Variants in MROH1 observed in about 807,000 individuals in gnomAD.
MROH1 encodes maestro heat like repeat family member 1, also known as maestro heat-like repeat-containing protein family member 1.
A neutral mutation model predicts 116.5 loss-of-function variants in MROH1; 117 were observed. The observed-to-expected ratio is 1.00, with a 90% CI of 0.86 to 1.17. The LOEUF (loss-of-function observed/expected upper bound fraction) is 1.17. Among genes scored for constraint, MROH1 ranks in the 50% most tolerant of loss-of-function variants. The probability of loss-of-function intolerance (pLI) is 0.00; values close to 1 mark genes in which losing one functional copy is unlikely to be tolerated. For synonymous variants in MROH1, 921 were observed against 583.9 expected (o/e 1.58, Z -8.32); for missense variants, 1,873 against 1,338.5 (o/e 1.40, Z -6.23).
intron 1 of MROH1, chr8:144,148,854 G>A (rs892402243): frequency 1.3e-5 from 2 of 152,764 alleles, no homozygotes; most frequent in Non-Finnish European, 2.9e-5. Flanking sequence ...TTGGGGAAGG[G>A]ACAGACTCAT....
intron 4 of MROH1, among the ~76,000 whole-genome samples, chr8:144,171,191 C>G (rs902909839): frequency 2.6e-5 from 4 of 152,200 alleles, no homozygotes; most frequent in African/African-American, 9.6e-5. Context: ...GTCGCAAGCC[C>G]CAGGTGTGGC....
chr8:144,213,176 T>C, intron 12 of MROH1: 1 of 734,540 alleles, frequency 1.4e-6, no homozygotes, highest in Non-Finnish European at 2.5e-6. Flanking sequence ...TTGGTGTTGG[T>C]TCTGCGGGCG....
chr8:144,255,364 G>A (rs1368263366), intron 34 of MROH1, 145 bp from the exon 35 acceptor site: 10 of 663,544 alleles, frequency 1.5e-5, no homozygotes, highest in African/African-American at 7.1e-5. Context: ...GCAGTGGTGC[G>A]CCTCGCCCTT....
At chr8:144,221,414 G>T (rs7341598) in intron 13 of MROH1, among the ~76,000 whole-genome samples, 1 of 152,110 alleles carries the variant, frequency 6.6e-6, no homozygotes, top group Non-Finnish European at 1.5e-5. Flanking sequence ...GGATCTTTGC[G>T]AAAGTTAGGA....
At chr8:144,167,446 GGTT>G (rs1419225506) in intron 3 of MROH1, among the ~76,000 whole-genome samples, 57 of 127,524 alleles carry the variant, frequency 4.5e-4, no homozygotes, top group Non-Finnish European at 7.8e-4. Context: ...TGGAGTGGCC[GGTT>G]GTTGTGGTGG....
rs921145461 is a variant in MROH1, at chr8:144,191,913, G to C, written c.855+58G>C. 25 of 1,599,412 alleles carry C rather than the reference G, an allele frequency of 1.6e-5. No homozygotes were observed. The East Asian group carries it at 4.9e-4, about 31-fold the overall frequency. On this transcript the variant is annotated intron_variant, in intron 9 of 43. Coordinates refer to ENST00000326134, the MANE Select transcript of MROH1 (RefSeq NM_032450.3). ...GAGGACCCCTCCAATCAGACTCCCC[G>C]GGGGTGGCCGTGAGTCCTCGGCTAG...
Position 144,173,611 on chromosome 8 carries a change from A to G in MROH1, c.168+5171A>G, listed in dbSNP as rs1823068885. 3.3e-5 allele frequency among the ~76,000 whole-genome samples: 5 copies of G among 151,764 alleles called. No individual in the cohort carries two copies. In the South Asian group the frequency reaches 1.0e-3, roughly 32 times the overall value. On this transcript the variant is annotated intron_variant, in intron 4 of 43. Coordinates refer to ENST00000326134, the MANE Select transcript of MROH1 (RefSeq NM_032450.3). ...TGTCTCATTTTTTTGTATTTTTAGT[A>G]CAGGTGGGGTTTCACCATGTTGGTC...
At position 144,249,047 on chromosome 8, in the gene MROH1, GC is replaced by G. The variant is rs1842386842; in HGVS notation, c.3273+19del. The G allele has an allele frequency of 1.4e-6, 1 of 695,602 alleles. No individual in the cohort carries two copies. Among genetic ancestry groups the G allele is most frequent in the Non-Finnish European group, 2.7e-6 (1 of 372,806 alleles). 43.1% of individuals were successfully genotyped at this position (695,602 alleles called of 1,614,324 possible). On this transcript the variant is annotated intron_variant, in intron 32 of 43. Coordinates refer to ENST00000326134, the MANE Select transcript of MROH1 (RefSeq NM_032450.3). ...AGGAGAAGGTGGGAGAGGGCGGGGC[GC>G]GGGGGGTGCTCCAGGAGAAGGTGGG...
At chr8:144,245,311 C>T in intron 29 of MROH1, 51 bp downstream of exon 29, 1 of 767,560 alleles carries the variant, frequency 1.3e-6, no homozygotes, top group Non-Finnish European at 2.4e-6. Flanking sequence ...TTACTCATGA[C>T]CCAGAGTGTG....
At chr8:144,170,812 C>G (rs1229619887) in intron 4 of MROH1, among the ~76,000 whole-genome samples, 1 of 152,214 alleles carries the variant, frequency 6.6e-6, no homozygotes, top group Non-Finnish European at 1.5e-5. Context: ...TTAGACACAT[C>G]CAGTCTTGTA....
chr8:144,202,505 G>C (rs1282827497), intron 12 of MROH1, among the ~76,000 whole-genome samples: 1 of 141,086 alleles, frequency 7.1e-6, no homozygotes, highest in Non-Finnish European at 1.5e-5. Flanking sequence ...AGGGAAGGGA[G>C]AACGGGCTCT....
At chr8:144,159,394 A>C (rs1458565204) in intron 1 of MROH1, among the ~76,000 whole-genome samples, 1 of 152,192 alleles carries the variant, frequency 6.6e-6, no homozygotes, top group East Asian at 1.9e-4. Context: ...GTTGAAATCT[A>C]TACTGCAATT....
chr8:144,160,547 CAG>C (rs1169248245), intron 1 of MROH1, among the ~76,000 whole-genome samples: 1 of 152,012 alleles, frequency 6.6e-6, no homozygotes, highest in Non-Finnish European at 1.5e-5. Context: ...TTTTTGGAGT[CAG>C]AAGTCTACCA....
At chr8:144,248,051 G>A (rs941659234) in intron 31 of MROH1, among the ~76,000 whole-genome samples, 4 of 152,250 alleles carry the variant, frequency 2.6e-5, no homozygotes, top group African/African-American at 4.8e-5. Context: ...GCCCTGTGTG[G>A]TGTTGTCCCC....
intron 4 of MROH1, among the ~76,000 whole-genome samples, chr8:144,173,316 C>CA (rs2131140137): frequency 6.6e-6 from 1 of 151,824 alleles, no homozygotes; most frequent in African/African-American, 2.4e-5. Context: ...CCATGTTGGC[C>CA]AGGTTGGTCA....
chr8:144,230,036 AAAT>A (rs35362416), intron 14 of MROH1, among the ~76,000 whole-genome samples: 19 of 150,178 alleles, frequency 1.3e-4, no homozygotes, highest in East Asian at 4.0e-4. Context: ...TCTGTCTCAA[AAAT>A]AATAATAATA....
chr8:144,152,962 C>A (rs1817199812), intron 1 of MROH1, among the ~76,000 whole-genome samples: 3 of 152,136 alleles, frequency 2.0e-5, no homozygotes, highest in Admixed American at 2.0e-4. Context: ...CAATTGATCT[C>A]TTGAATTTAT....
chr8:144,185,271 T>C (rs1385706499), intron 7 of MROH1, among the ~76,000 whole-genome samples: 2 of 152,160 alleles, frequency 1.3e-5, no homozygotes, highest in East Asian at 3.9e-4. Flanking sequence ...TCTCACTGTA[T>C]GTGTCAGGCC....
intron 26 of MROH1, 36 bp downstream of exon 26, chr8:144,243,978 T>A (rs1841437435): frequency 1.3e-6 from 1 of 770,324 alleles, no homozygotes; most frequent in African/African-American, 1.7e-5. Context: ...CCCGTGCAGC[T>A]GCGTGTGTGC....
Sources: allele counts gnomAD v4.1 joint callset (sites outside exome capture counted in the v4.1 genomes callset), GRCh38; gene constraint gnomAD v4.1.1; transcripts MANE v1.5; gene names NCBI Gene and HGNC (gene_info 2026-07-23, HGNC 2026-07-21).